CTNNA3: variants seen among roughly 807,000 people sequenced by gnomAD.
CTNNA3 encodes catenin alpha-3.
CTNNA3 carries 76 observed loss-of-function variants against 95.7 expected under a neutral mutation model. The observed-to-expected ratio is 0.79, with a 90% CI of 0.66 to 0.96. The LOEUF is 0.96. CTNNA3 is among the 40% of genes least tolerant of loss of function. The probability of loss-of-function intolerance (pLI) is 0.00; values close to 1 mark genes in which losing one functional copy is unlikely to be tolerated. For synonymous variants in CTNNA3, 431 were observed against 374.4 expected, an observed-to-expected ratio of 1.15 and a Z score of -1.74; for missense variants, 1,191 against 1,089.8, an observed-to-expected ratio of 1.09 and a Z score of -1.31.
intron 5 of CTNNA3, among the ~76,000 whole-genome samples, chr10:67,396,306 A>T (rs1844703749): frequency 1.3e-5 from 2 of 152,190 alleles, no homozygotes; most frequent in Non-Finnish European, 2.9e-5. Context: ...AGAACATTCA[A>T]ATAAAATATT....
intron 9 of CTNNA3, among the ~76,000 whole-genome samples, chr10:66,678,298 G>T (rs1846937419): frequency 6.6e-6 from 1 of 152,074 alleles, no homozygotes; most frequent in South Asian, 2.1e-4. Flanking sequence ...GACTCAGAAA[G>T]CCTTTACTAG....
At chr10:66,564,018 TTG>T (rs968690887) in intron 10 of CTNNA3, among the ~76,000 whole-genome samples, 1 of 152,072 alleles carries the variant, frequency 6.6e-6, no homozygotes, top group Non-Finnish European at 1.5e-5. Flanking sequence ...CTCCACCACC[TTG>T]GGCACATGTT....
intron 7 of CTNNA3, among the ~76,000 whole-genome samples, chr10:66,936,185 AAC>A (rs901972380): frequency 6.6e-6 from 1 of 152,152 alleles, no homozygotes; most frequent in Non-Finnish European, 1.5e-5. Context: ...TTTATGGTCT[AAC>A]ACACACAGAT....
At chr10:67,051,463 C>CTTTTTT (rs11334360) in intron 7 of CTNNA3, among the ~76,000 whole-genome samples, 2 of 129,728 alleles carry the variant, frequency 1.5e-5, no homozygotes, top group Non-Finnish European at 3.4e-5. Context: ...TTTCTTTTTT[C>CTTTTTT]TTTTTTTTTT....
chr10:67,640,080 G>A (rs904491466), intron 2 of CTNNA3, among the ~76,000 whole-genome samples: 4 of 152,132 alleles, frequency 2.6e-5, no homozygotes, highest in African/African-American at 9.7e-5. Flanking sequence ...GTTTGCAGAT[G>A]GCATGATTGT....
chr10:67,336,921 A>C (rs1316045405), intron 5 of CTNNA3, among the ~76,000 whole-genome samples: 2 of 152,192 alleles, frequency 1.3e-5, no homozygotes, highest in Non-Finnish European at 2.9e-5. Context: ...AAAATATTAC[A>C]GTTCTTTGAC....
At chr10:67,537,867 G>A (rs906459729) in intron 4 of CTNNA3, among the ~76,000 whole-genome samples, 1 of 152,024 alleles carries the variant, frequency 6.6e-6, no homozygotes, top group Non-Finnish European at 1.5e-5. Flanking sequence ...AAACCAAGAA[G>A]CAAGTAACAG....
Position 65,988,936 on chromosome 10 carries a change from A to G in CTNNA3, c.2160-139T>C, listed in dbSNP as rs1242686699. ...AATATTCGCATCCCAAAGAACGGCT[A>G]TTGTTTTTGTGATTGTTTGTTTTGA... On this transcript the variant is annotated intron_variant, in intron 15 of 17. Coordinates refer to ENST00000433211, the MANE Select transcript of CTNNA3 (RefSeq NM_013266.4). The G allele has an allele frequency of 1.0e-5, 6 of 598,954 alleles. No individual in the cohort carries two copies. The East Asian group carries it at 1.7e-4, about 17-fold the overall frequency. 37.1% of individuals were successfully genotyped at this position (598,954 alleles called of 1,614,324 possible).
At chr10:67,219,908 G>C (rs560774829) in intron 5 of CTNNA3, 38 bp from the exon 6 acceptor site, 1 of 1,483,222 alleles carries the variant, frequency 6.7e-7, no homozygotes, top group East Asian at 2.3e-5. Context: ...TCTTACAATG[G>C]GTTATGGGAG....
chr10:66,369,764 C>T (rs1041024217), intron 12 of CTNNA3, among the ~76,000 whole-genome samples: 1 of 152,074 alleles, frequency 6.6e-6, no homozygotes, highest in South Asian at 2.1e-4. Context: ...GCTTTTACGT[C>T]CATGAAGTCT....
At chr10:66,933,838 C>T (rs1847542755) in intron 7 of CTNNA3, among the ~76,000 whole-genome samples, 1 of 152,114 alleles carries the variant, frequency 6.6e-6, no homozygotes, top group Non-Finnish European at 1.5e-5. Context: ...GCTGCTCTTA[C>T]CAATATGAAG....
chr10:66,261,817 C>A (rs775638648), intron 13 of CTNNA3, among the ~76,000 whole-genome samples: 2 of 151,896 alleles, frequency 1.3e-5, no homozygotes, highest in Non-Finnish European at 2.9e-5. Context: ...CACAGAGGAA[C>A]AGAATCAACA....
At chr10:65,988,459 A>G (rs1485054232) in intron 16 of CTNNA3, among the ~76,000 whole-genome samples, 1 of 152,186 alleles carries the variant, frequency 6.6e-6, no homozygotes, top group Non-Finnish European at 1.5e-5. Context: ...TGAAGAGCTG[A>G]TACTAGAAAT....
At chr10:67,754,761 G>T (rs181226531) in intron 1 of CTNNA3, among the ~76,000 whole-genome samples, 2 of 152,108 alleles carry the variant, frequency 1.3e-5, no homozygotes, top group Non-Finnish European at 2.9e-5. Context: ...CCCATAGAAC[G>T]GGGGAAAAGA....
At chr10:67,464,375 C>T (rs1847499437) in intron 5 of CTNNA3, among the ~76,000 whole-genome samples, 1 of 152,102 alleles carries the variant, frequency 6.6e-6, no homozygotes, top group African/African-American at 2.4e-5. Context: ...CCTTTAGATC[C>T]CAATTATCTT....
chr10:66,359,642 T>A lies in CTNNA3; in HGVS notation c.1732+19510A>T, dbSNP rs2092637902. Among the ~76,000 whole-genome samples the A allele has an allele frequency of 2.6e-5, 4 of 152,266 alleles. No homozygotes were observed. The South Asian group carries it at 8.3e-4, about 32-fold the overall frequency. ...TGCATACCTCTGTTCTGTTTTGCAT[T>A]AAAGGTTCACATCTGTCATCCCCCC... On this transcript the variant is annotated intron_variant, in intron 12 of 17. Transcript: ENST00000433211.
At chr10:67,407,943 A>T (rs1845202499) in intron 5 of CTNNA3, among the ~76,000 whole-genome samples, 1 of 151,836 alleles carries the variant, frequency 6.6e-6, no homozygotes, top group Non-Finnish European at 1.5e-5. Flanking sequence ...GAAATCATTC[A>T]ACAACAGGCA....
rs558715602 is a variant in CTNNA3, at chr10:67,157,587, G to A, written c.1047+22730C>T. ...AAGAGGAGGTTTGTAAACTCTCTCC[G>A]GAACCAGTATTTCAGACTTTCTATG... On this transcript the variant is annotated intron_variant, in intron 7 of 17. Coordinates refer to ENST00000433211, the MANE Select transcript of CTNNA3 (RefSeq NM_013266.4). Among the ~76,000 whole-genome samples the A allele has an allele frequency of 5.3e-5, 8 of 152,188 alleles. No homozygotes were observed. In the East Asian group the frequency reaches 7.7e-4, roughly 15 times the overall value.
At chr10:67,524,653 C>G (rs1247705910) in intron 4 of CTNNA3, among the ~76,000 whole-genome samples, 1 of 152,070 alleles carries the variant, frequency 6.6e-6, no homozygotes, top group Non-Finnish European at 1.5e-5. Context: ...TAATTTCATT[C>G]ATTTAAGCAG....
Sources: gnomAD v4.1 joint callset for allele counts (sites outside exome capture counted in the v4.1 genomes callset) on GRCh38, gnomAD v4.1.1 for gene constraint, MANE v1.5 for transcripts, NCBI Gene and HGNC (gene_info 2026-07-23, HGNC 2026-07-21) for gene names.